TAF4B: variants seen among roughly 807,000 people sequenced by gnomAD.
The protein encoded by TAF4B is transcription initiation factor TFIID subunit 4B.
A neutral mutation model predicts 86.4 loss-of-function variants in TAF4B; 38 were observed. The observed-to-expected ratio is 0.44, with a 90% CI of 0.34 to 0.58. The LOEUF (loss-of-function observed/expected upper bound fraction) is 0.58. Ranked by LOEUF, TAF4B falls within the 20% of genes least tolerant of loss-of-function variation. The pLI is 0.02. For synonymous variants in TAF4B, 388 were observed against 391.2 expected (o/e 0.99, Z 0.10); for missense variants, 988 against 1,027.6 (o/e 0.96, Z 0.53).
intron 1 of TAF4B, among the ~76,000 whole-genome samples, chr18:26,240,496 G>A (rs1265840273): frequency 6.6e-6 from 1 of 152,166 alleles, no homozygotes; most frequent in South Asian, 2.1e-4. Context: ...TGAGACAATG[G>A]GGTTTTCTAA....
intron 13 of TAF4B, among the ~76,000 whole-genome samples, chr18:26,357,407 T>C (rs977755102): frequency 6.6e-6 from 1 of 152,220 alleles, no homozygotes; most frequent in African/African-American, 2.4e-5. Context: ...AGGCATTTCT[T>C]ATCTGTGTTA....
intron 10 of TAF4B, among the ~76,000 whole-genome samples, chr18:26,318,181 G>A (rs1187805174): frequency 1.3e-5 from 2 of 151,994 alleles, no homozygotes; most frequent in South Asian, 2.1e-4. Context: ...CTACAGGTGC[G>A]CACTACTAAA....
chr18:26,355,179 A>T (rs1276723256), intron 13 of TAF4B, among the ~76,000 whole-genome samples: 1 of 152,176 alleles, frequency 6.6e-6, no homozygotes, highest in Non-Finnish European at 1.5e-5. Context: ...TAAGTTTCCA[A>T]TTGTACCTTA....
intron 1 of TAF4B, among the ~76,000 whole-genome samples, chr18:26,235,509 G>T (rs916250225): frequency 4.6e-5 from 7 of 152,182 alleles, no homozygotes; most frequent in African/African-American, 1.4e-4. Context: ...TAGCCTGCTG[G>T]CATGAGGCTT....
At chr18:26,348,307 A>C (rs1167924857) in intron 13 of TAF4B, 12 of 152,334 alleles carry the variant, frequency 7.9e-5, no homozygotes, top group African/African-American at 2.9e-4. Context: ...CTCCTGGACA[A>C]CCAATGGGTG....
chr18:26,235,409 G>C (rs761579340), intron 1 of TAF4B, among the ~76,000 whole-genome samples: 1 of 152,154 alleles, frequency 6.6e-6, no homozygotes, highest in Non-Finnish European at 1.5e-5. Flanking sequence ...AAGATTAGGC[G>C]TAGATATTTG....
In TAF4B at chr18:26,293,357, C is replaced by T; in HGVS notation, c.1727-69C>T. ...TTCTATATATATAAAAAACGGTTGT[C>T]CTGGATTTTTCCTAATGTGGTGTGA... On this transcript the variant is annotated intron_variant, in intron 8 of 14. Transcript: ENST00000269142. 6 of 1,072,648 alleles carry T rather than the reference C, an allele frequency of 5.6e-6. No individual in the cohort carries two copies. In the South Asian group the frequency reaches 7.4e-5, roughly 13 times the overall value. The allele number at this position is 1,072,648 out of a possible 1,614,324, so 66.4% of individuals were successfully genotyped here. A position where few individuals can be genotyped will look rare whatever the true frequency, so the allele number is the denominator to read the frequency against.
chr18:26,361,274 C>G (rs1357139012), intron 14 of TAF4B, among the ~76,000 whole-genome samples: 1 of 142,646 alleles, frequency 7.0e-6, no homozygotes, highest in Non-Finnish European at 1.5e-5. Flanking sequence ...TACTTAAGTA[C>G]CTCAGATTAA....
chr18:26,292,151 G>C, intron 7 of TAF4B, 95 bp from the exon 8 acceptor site: 1 of 1,383,386 alleles, frequency 7.2e-7, no homozygotes, highest in Non-Finnish European at 9.7e-7. Context: ...TATATTTATG[G>C]CTGGGGGAAC....
intron 1 of TAF4B, among the ~76,000 whole-genome samples, chr18:26,233,289 C>T (rs1251644037): frequency 1.3e-5 from 2 of 152,100 alleles, no homozygotes; most frequent in Non-Finnish European, 2.9e-5. Context: ...TTTGTATCTA[C>T]TAGGAAGCAT....
In TAF4B at chr18:26,226,885, C is replaced by T. The variant is rs1247230231; in HGVS notation, c.-49C>T. Reference sequence around the variant, plus strand: ...TGCCGCGCGCCAAGCCTCCCCTCACCTCTGCTCCCGGAACCGCAGCGCCAA... The same window carrying T: ...TGCCGCGCGCCAAGCCTCCCCTCACTTCTGCTCCCGGAACCGCAGCGCCAA... On this transcript the variant is annotated 5_prime_UTR_variant, in exon 1 of 15. Coordinates refer to ENST00000269142, the MANE Select transcript of TAF4B (RefSeq NM_005640.3). 1.5e-6 allele frequency: 2 copies of T among 1,331,684 alleles called. No homozygotes were observed. The highest frequency in any genetic ancestry group is 1.9e-6 in the Non-Finnish European group (2 of 1,043,904). 82.5% of individuals were successfully genotyped at this position (1,331,684 alleles called of 1,614,324 possible).
Position 26,293,482 on chromosome 18 carries a change from T to C in TAF4B, c.1783T>C (p.Ser595Pro). Residue 595 changes from serine (S) to proline (P), a missense_variant, in exon 9 of 15, where the codon TCT (serine) becomes CCT (proline). This residue lies in a region of TAF4B where 747 missense variants were observed against 737.9 expected (regional missense o/e 1.01). Transcript: ENST00000269142. ...PGNKILSLQASPTQKNRIKEN... is the reference protein window; with the variant it reads ...PGNKILSLQAPPTQKNRIKEN... Reference sequence around the variant, plus strand: ...AAATAAAATTCTGTCACTTCAAGCATCTCCTACTCAGAAAAATAGAATAAA... The same window carrying C: ...AAATAAAATTCTGTCACTTCAAGCACCTCCTACTCAGAAAAATAGAATAAA... 1 of 1,594,738 alleles carries C rather than the reference T, an allele frequency of 6.3e-7. No individual in the cohort carries two copies.
intron 13 of TAF4B, among the ~76,000 whole-genome samples, chr18:26,344,357 ATT>A (rs199760424): frequency 3.4e-5 from 5 of 147,704 alleles, no homozygotes; most frequent in African/African-American, 1.2e-4. Flanking sequence ...TAGAAAAACT[ATT>A]TTTTTTTTTT....
chr18:26,259,744 A>G (rs2056137947), intron 1 of TAF4B, among the ~76,000 whole-genome samples: 1 of 152,226 alleles, frequency 6.6e-6, no homozygotes. Flanking sequence ...CAGTAAACAC[A>G]CATGTGCGTG....
intron 7 of TAF4B, among the ~76,000 whole-genome samples, chr18:26,290,664 T>C (rs899505102): frequency 6.6e-6 from 1 of 152,218 alleles, no homozygotes; most frequent in South Asian, 2.1e-4. Context: ...TAGCTCTATT[T>C]GTTAGAGTTT....
At chr18:26,373,612 T>C (rs1197836640) in intron 14 of TAF4B, among the ~76,000 whole-genome samples, 1 of 152,226 alleles carries the variant, frequency 6.6e-6, no homozygotes, top group Non-Finnish European at 1.5e-5. Flanking sequence ...TGAAAGTGTT[T>C]ATTAGCATCT....
At chr18:26,233,569 G>A (rs905251812) in intron 1 of TAF4B, among the ~76,000 whole-genome samples, 4 of 152,162 alleles carry the variant, frequency 2.6e-5, no homozygotes, top group Admixed American at 1.3e-4. Flanking sequence ...GGGATAGTAG[G>A]TGCCCCAGGG....
At chr18:26,364,201 T>G (rs6508439) in intron 14 of TAF4B, among the ~76,000 whole-genome samples, 12,020 of 152,160 alleles carry the variant, frequency 0.079, 1,480 homozygotes, top group African/African-American at 0.27. Context: ...TATCTCCTTA[T>G]GTTATCCTGA....
intron 10 of TAF4B, among the ~76,000 whole-genome samples, chr18:26,320,370 T>C (rs1366235632): frequency 1.3e-5 from 2 of 152,198 alleles, no homozygotes; most frequent in East Asian, 3.9e-4. Flanking sequence ...CTTCTGACTC[T>C]TTTGAGTATG....
Sources: gnomAD v4.1 joint callset for allele counts (sites outside exome capture counted in the v4.1 genomes callset) on GRCh38, gnomAD v4.1.1 for gene constraint, gnomAD v4.1.1 regional missense constraint, MANE v1.5 for transcripts, NCBI Gene and HGNC (gene_info 2026-07-23, HGNC 2026-07-21) for gene names.